The following SOCS7 variants were observed in gnomAD, a reference collection of about 807,000 sequenced individuals.
SOCS7 encodes the protein NAP-4.
In SOCS7, 18 loss-of-function variants were observed where a neutral mutation model predicts 58.9. The ratio of observed to expected loss-of-function variants is 0.31; its 90% CI spans 0.21 to 0.45. SOCS7 has a LOEUF of 0.45. SOCS7 is among the 20% of genes least tolerant of loss of function. The probability of loss-of-function intolerance (pLI) is 1.00; values close to 1 mark genes in which losing one functional copy is unlikely to be tolerated. For synonymous variants in SOCS7, 388 were observed against 364.3 expected, an observed-to-expected ratio of 1.06 and a Z score of -0.74; for missense variants, 667 against 837.3, an observed-to-expected ratio of 0.80 and a Z score of 2.51.
intron 6 of SOCS7, among the ~76,000 whole-genome samples, chr17:38,376,543 C>G (rs199698083): frequency 6.6e-6 from 1 of 152,006 alleles, no homozygotes; most frequent in African/African-American, 2.4e-5. Flanking sequence ...GCTAGCCTGA[C>G]CAACGTGGTG....
chr17:38,361,394 A>G (rs1263795516), intron 1 of SOCS7, among the ~76,000 whole-genome samples: 1 of 152,134 alleles, frequency 6.6e-6, no homozygotes, highest in African/African-American at 2.4e-5. Context: ...TCTGCATCAG[A>G]CTTCCTTCCT....
intron 7 of SOCS7, among the ~76,000 whole-genome samples, chr17:38,378,731 C>G (rs1230480376): frequency 3.3e-5 from 5 of 152,190 alleles, no homozygotes; most frequent in African/African-American, 7.2e-5. Context: ...GTATAGTCTT[C>G]CTGCCCACTA....
chr17:38,358,250 A>C (rs2037666313), intron 1 of SOCS7, among the ~76,000 whole-genome samples: 1 of 152,184 alleles, frequency 6.6e-6, no homozygotes, highest in South Asian at 2.1e-4. Flanking sequence ...TTTTGAGGTG[A>C]TCTGGGGAAG....
chr17:38,386,142 T>C (rs1301338183), intron 7 of SOCS7, among the ~76,000 whole-genome samples: 2 of 151,674 alleles, frequency 1.3e-5, no homozygotes, highest in Non-Finnish European at 2.9e-5. Flanking sequence ...CTGACCAACA[T>C]GGGGAAACCC....
chr17:38,367,908 T>C lies in SOCS7; in HGVS notation c.1410T>C (p.Asn470=). The C allele has an allele frequency of 6.2e-7, 1 of 1,614,170 alleles. No homozygotes were observed. The highest frequency in any genetic ancestry group is 8.5e-7 in the Non-Finnish European group (1 of 1,180,012). Residue 470 remains asparagine, a synonymous_variant, in exon 6 of 10, where the codon AAT becomes AAC. Transcript: ENST00000612932. ...GTGGTTGGTATTGGGGGCCAATGAA[T>C]TGGGAAGATGCAGAGATGAAGCTGA... ...EKCGWYWGPM[N]WEDAEMKLKG...
In SOCS7 at chr17:38,364,796, C is replaced by A; in HGVS notation, c.1090C>A (p.Leu364Met). The change falls in exon 3 of 10, where the codon CTG (leucine) becomes ATG (methionine). Residue 364 changes from leucine to methionine, a missense_variant. Transcript: ENST00000612932. The part of the protein sequence containing the change: ...LVDVDISQRG[L>M]TSPHPPTPPP... Reference sequence around the variant, plus strand: ...GGATGTGGACATTTCTCAGCGGGGCCTGACCTCTCCACACCCTCCAACTCC... The same window carrying A: ...GGATGTGGACATTTCTCAGCGGGGCATGACCTCTCCACACCCTCCAACTCC... The A allele has an allele frequency of 6.2e-7, 1 of 1,614,128 alleles. No individual in the cohort carries two copies. The highest frequency in any genetic ancestry group is 1.1e-5 in the South Asian group (1 of 91,066).
At chr17:38,370,088 G>A (rs889927666) in intron 6 of SOCS7, among the ~76,000 whole-genome samples, 2 of 152,020 alleles carry the variant, frequency 1.3e-5, no homozygotes, top group African/African-American at 4.8e-5. Flanking sequence ...ACCATGCCTG[G>A]CCGGGTTCAA....
chr17:38,354,852 A>G (rs2037612843), intron 1 of SOCS7, among the ~76,000 whole-genome samples: 1 of 152,192 alleles, frequency 6.6e-6, no homozygotes, highest in South Asian at 2.1e-4. Flanking sequence ...GTGGCGTGAA[A>G]TTAGCTGCTA....
intron 7 of SOCS7, among the ~76,000 whole-genome samples, chr17:38,388,354 AAAAAAAATAC>A (rs200490011): frequency 0.013 from 1,924 of 152,062 alleles, 41 homozygotes; most frequent in African/African-American, 0.044. Flanking sequence ...CTTGATAAAA[AAAAAAAATAC>A]AAAAATTAGC....
chr17:38,389,872 T>TATATATATGTAC (rs2038137782), intron 7 of SOCS7, among the ~76,000 whole-genome samples: 11 of 111,752 alleles, frequency 9.8e-5, no homozygotes, highest in African/African-American at 2.7e-4. Context: ...TGTGTACATA[T>TATATATATGTAC]ATATATATAT....
In SOCS7 at chr17:38,387,832, T is replaced by C. The variant is rs528935603; in HGVS notation, c.1682-7477T>C. 2.7e-3 allele frequency among the ~76,000 whole-genome samples: 399 copies of C among 146,790 alleles called. 7 individuals carry two copies. The highest frequency in any genetic ancestry group is 9.1e-3 in the African/African-American group (357 of 39,222). On this transcript the variant is annotated intron_variant, in intron 7 of 9. Coordinates refer to ENST00000612932, the MANE Select transcript of SOCS7 (RefSeq NM_014598.4). ...TCACCCAGGCTAGAGTGCAGTGGCGTGATCTTGGCTCACTGCAACCTCCGA... is the reference window on the plus strand; with the variant it reads ...TCACCCAGGCTAGAGTGCAGTGGCGCGATCTTGGCTCACTGCAACCTCCGA...
chr17:38,373,416 TG>T (rs2037892531), intron 6 of SOCS7, among the ~76,000 whole-genome samples: 1 of 152,142 alleles, frequency 6.6e-6, no homozygotes, highest in Admixed American at 6.5e-5. Context: ...TGCCCTATTC[TG>T]GGGAAAAGAA....
rs573877338 is a variant in SOCS7, at chr17:38,403,261, G to A, written c.*3779G>A. On this transcript the variant is annotated 3_prime_UTR_variant, in exon 10 of 10. Coordinates refer to ENST00000612932, the MANE Select transcript of SOCS7 (RefSeq NM_014598.4). ...CCCTTGAGGTTGGGGATGGTGTGGA[G>A]ATAGCTGCAGACACCCCTGTAACAG... 1 of 152,346 alleles carries A rather than the reference G, an allele frequency of 6.6e-6. No homozygotes were observed. Among genetic ancestry groups the A allele is most frequent in the African/African-American group, 2.4e-5 (1 of 41,554 alleles). The allele number at this position is 152,346 out of a possible 1,614,324, so 9.4% of individuals were successfully genotyped here.
Position 38,366,425 on chromosome 17 carries a change from G to A in SOCS7, c.1383+8G>A. On this transcript the variant is annotated splice_region_variant and intron_variant, in intron 5 of 9. Transcript: ENST00000612932. ...CTTCGAGAGTTGGAGAAGGTAGGTGGTACCTAAGGACTGGCAGGTCACTTC... is the reference window on the plus strand; with the variant it reads ...CTTCGAGAGTTGGAGAAGGTAGGTGATACCTAAGGACTGGCAGGTCACTTC... 1 of 1,614,142 alleles carries A rather than the reference G, an allele frequency of 6.2e-7. No individual in the cohort carries two copies.
chr17:38,385,794 T>C (rs1233145155), intron 7 of SOCS7, among the ~76,000 whole-genome samples: 1 of 152,208 alleles, frequency 6.6e-6, no homozygotes, highest in Non-Finnish European at 1.5e-5. Flanking sequence ...AAAATTTCCT[T>C]GGATTTTACT....
chr17:38,362,444 G>A (rs1555567724), intron 2 of SOCS7, among the ~76,000 whole-genome samples: 2 of 152,200 alleles, frequency 1.3e-5, no homozygotes, highest in Non-Finnish European at 2.9e-5. Context: ...TGAAGCTCCT[G>A]CATGAATAAG....
Position 38,367,872 on chromosome 17 carries a change from T to C in SOCS7, c.1384-10T>C, listed in dbSNP as rs373718693. 5.6e-6 allele frequency: 9 copies of C among 1,612,836 alleles called. No individual in the cohort carries two copies. The African/African-American group carries it at 1.2e-4, about 22-fold the overall frequency. On this transcript the variant is annotated splice_polypyrimidine_tract_variant and intron_variant, in intron 5 of 9. Transcript: ENST00000612932. ...CTGATAACTAGTGGACTGCTTCTTG[T>C]CTTTGATAGTGTGGTTGGTATTGGG...
chr17:38,373,569 CTT>C (rs879621898), intron 6 of SOCS7, among the ~76,000 whole-genome samples: 1 of 152,176 alleles, frequency 6.6e-6, no homozygotes, highest in African/African-American at 2.4e-5. Flanking sequence ...AAGCTACAGT[CTT>C]TTGGTTGTAC....
chr17:38,388,846 A>G (rs1222498731), intron 7 of SOCS7, among the ~76,000 whole-genome samples: 2 of 152,332 alleles, frequency 1.3e-5, no homozygotes, highest in Admixed American at 1.3e-4. Context: ...TTTATGACTG[A>G]ATAACATTCC....
Sources: gnomAD v4.1 joint callset for allele counts (sites outside exome capture counted in the v4.1 genomes callset) on GRCh38, gnomAD v4.1.1 for gene constraint, MANE v1.5 for transcripts, NCBI Gene and HGNC (gene_info 2026-07-23, HGNC 2026-07-21) for gene names.